Variants in UBXN11 observed in about 807,000 individuals in gnomAD.
UBXN11 encodes UBX domain protein 11.
In UBXN11, 47 loss-of-function variants were observed where a neutral mutation model predicts 62.8. The ratio of observed to expected loss-of-function variants is 0.75; its 90% CI spans 0.59 to 0.95. The LOEUF is 0.95. UBXN11 is among the 40% of genes least tolerant of loss of function. The pLI is 0.00. For synonymous variants in UBXN11, 294 were observed against 267.0 expected, an observed-to-expected ratio of 1.10 and a Z score of -0.99; for missense variants, 638 against 661.7, an observed-to-expected ratio of 0.96 and a Z score of 0.39.
At chr1:26,288,426 G>A (rs2073180617) in intron 8 of UBXN11, among the ~76,000 whole-genome samples, 1 of 152,148 alleles carries the variant, frequency 6.6e-6, no homozygotes, top group Non-Finnish European at 1.5e-5. Context: ...GAGTGGAGAT[G>A]AGACCAGGGG....
intron 7 of UBXN11, among the ~76,000 whole-genome samples, chr1:26,295,874 G>A (rs1039574160): frequency 7.2e-5 from 11 of 152,242 alleles, no homozygotes; most frequent in South Asian, 2.1e-4. Flanking sequence ...AGATGAGGCT[G>A]TTAAATGAAT....
chr1:26,308,705 C>G (rs1052431920), upstream of UBXN11, among the ~76,000 whole-genome samples: 3 of 152,116 alleles, frequency 2.0e-5, no homozygotes, highest in Non-Finnish European at 2.9e-5. Flanking sequence ...GATAAGCAAG[C>G]GTGGGAAGCA....
At position 26,302,894 on chromosome 1, in the gene UBXN11, C is replaced by CT; in HGVS notation, c.-12dup. The CT allele has an allele frequency of 6.2e-7, 1 of 1,613,508 alleles. No individual in the cohort carries two copies. Among genetic ancestry groups the CT allele is most frequent in the Non-Finnish European group, 8.5e-7 (1 of 1,179,638 alleles). ...CAAAGGTGAGCTCATAGTTCTACTTCTAGAATCCAGCTGTCAGGAACTCCC... is the reference window on the plus strand; with the variant it reads ...CAAAGGTGAGCTCATAGTTCTACTTCTTAGAATCCAGCTGTCAGGAACTCCC... On this transcript the variant is annotated 5_prime_UTR_variant, in exon 2 of 15. Transcript: ENST00000374222.
intron 1 of UBXN11, among the ~76,000 whole-genome samples, chr1:26,317,455 C>T (rs1298245375): frequency 6.6e-6 from 1 of 152,184 alleles, no homozygotes; most frequent in Non-Finnish European, 1.5e-5. Flanking sequence ...TCAGAACCTG[C>T]AGCCCATCTA....
intron 1 of UBXN11, among the ~76,000 whole-genome samples, chr1:26,314,651 T>A (rs1333241890): frequency 6.6e-6 from 1 of 152,008 alleles, no homozygotes; most frequent in African/African-American, 2.4e-5. Flanking sequence ...CTTCCGGCAG[T>A]CCCTGACACC....
At chr1:26,287,756 C>T (rs908189545) in intron 8 of UBXN11, among the ~76,000 whole-genome samples, 1 of 152,138 alleles carries the variant, frequency 6.6e-6, no homozygotes, top group African/African-American at 2.4e-5. Context: ...CCTCCGGGGG[C>T]TCCCCACATA....
Position 26,284,471 on chromosome 1 carries a change from C to T in UBXN11, c.864G>A (p.Leu288=), listed in dbSNP as rs1458971149. 2.5e-6 allele frequency: 4 copies of T among 1,598,872 alleles called. No individual in the cohort carries two copies. In the Admixed American group the frequency reaches 6.8e-5, roughly 27 times the overall value. The change falls in exon 11 of 15, where the codon TTG becomes TTA. Residue 288 remains leucine, a synonymous_variant. Transcript: ENST00000374222. ...CATCCTCCAGGTAGACCTGATTGCG[C>T]AAGTCACTCACCTGGCAAGAAAGAA... ...PNGVPFKVSD[L]RNQVYLEDGL...
intron 8 of UBXN11, among the ~76,000 whole-genome samples, chr1:26,288,470 A>G (rs1307752643): frequency 6.6e-6 from 1 of 152,174 alleles, no homozygotes; most frequent in Non-Finnish European, 1.5e-5. Context: ...TGGGCAAACC[A>G]GCACTGAGAG....
At position 26,282,381 on chromosome 1, in the gene UBXN11, C is replaced by G. The variant is rs1557677619; in HGVS notation, c.1481G>C (p.Ser494Thr). The G allele has an allele frequency of 3.5e-6, 2 of 569,024 alleles. No homozygotes were observed. Among genetic ancestry groups the G allele is most frequent in the Non-Finnish European group, 2.3e-6 (1 of 430,150 alleles). 35.2% of individuals were successfully genotyped at this position (569,024 alleles called of 1,614,324 possible). The change falls in exon 15 of 15, where the codon AGT becomes ACT. Residue 494 changes from serine (S) to threonine (T), a missense_variant. Transcript: ENST00000374222. ...ACTGGGGCCGGGACCGGGACCGGGACTGGGGCCGGGACCGGGACCGGGACA... is the reference window on the plus strand; with the variant it reads ...ACTGGGGCCGGGACCGGGACCGGGAGTGGGGCCGGGACCGGGACCGGGACA... ...GPCPGPGPGP[S>T]PGPGPGPSPG...
upstream of UBXN11, among the ~76,000 whole-genome samples, chr1:26,309,553 A>T (rs183323865): frequency 4.5e-3 from 692 of 152,156 alleles, 3 homozygotes; most frequent in Middle Eastern, 0.017. Flanking sequence ...GATTTTTTTT[A>T]AAAAAATAAC....
chr1:26,282,400 C>CGGGACA lies in UBXN11; in HGVS notation c.1456_1461dup (p.Cys486_Pro487dup). Reference sequence around the variant, plus strand: ...CCGGGACTGGGGCCGGGACCGGGACCGGGACAGGGACCAGGACTGAATTTC... The same window carrying CGGGACA: ...CCGGGACTGGGGCCGGGACCGGGACCGGGACAGGGACAGGGACCAGGACTGAATTTC... On this transcript the variant is annotated inframe_insertion, in exon 15 of 15. Coordinates refer to ENST00000374222, the MANE Select transcript of UBXN11 (RefSeq NM_001389556.1). 1 of 1,278,844 alleles carries CGGGACA rather than the reference C, an allele frequency of 7.8e-7. No individual in the cohort carries two copies. The highest frequency in any genetic ancestry group is 1.0e-6 in the Non-Finnish European group (1 of 966,342). 79.2% of individuals were successfully genotyped at this position (1,278,844 alleles called of 1,614,324 possible). A position where few individuals can be genotyped will look rare whatever the true frequency, so the allele number is the denominator to read the frequency against.
rs1191665344 is a variant in UBXN11, at chr1:26,282,465, G to C, written c.1397C>G (p.Ala466Gly). Residue 466 changes from alanine to glycine, a missense_variant, in exon 15 of 15, where the codon GCA becomes GGA. Physicochemically the swap from Ala to Gly is moderately conservative, Grantham distance 60 (BLOSUM62 0). Coordinates refer to ENST00000374222, the MANE Select transcript of UBXN11 (RefSeq NM_001389556.1). ...LQAAGLVPKA[A>G]LLLRARRAPK... ...GGCTCGGCGTGCCCGCAGCAGCAGT[G>C]CTGCTTTGGGCACAAGGCCTGCAGC... 1.9e-6 allele frequency: 3 copies of C among 1,608,474 alleles called. No homozygotes were observed. The highest frequency in any genetic ancestry group is 2.5e-6 in the Non-Finnish European group (3 of 1,178,580).
rs141676885 is a variant in UBXN11 at position 26,316,120 on chromosome 1, G to A, written c.-149+1927C>T. On this transcript the variant is annotated intron_variant, in intron 1 of 14. Coordinates refer to the UBXN11 transcript ENST00000374217. ...ACTATAGGTTTGTGCCACTATGCCC[G>A]GCTAATTTTTTTTTTTTTTTTTTTT... is the stretch of plus-strand genomic sequence containing the variant. 5.5e-5 allele frequency among the ~76,000 whole-genome samples: 8 copies of A among 146,066 alleles called. No individual in the cohort carries two copies. In the South Asian group the frequency reaches 8.7e-4, roughly 16 times the overall value.
intron 1 of UBXN11, 82 bp from the exon 2 acceptor site, chr1:26,303,000 T>A: frequency 1.1e-6 from 1 of 903,240 alleles, no homozygotes; most frequent in Non-Finnish European, 1.7e-6. Flanking sequence ...TCCACTTCCC[T>A]GGCTACTCTT....
chr1:26,298,323 G>A (rs893217190), intron 4 of UBXN11, among the ~76,000 whole-genome samples: 6 of 152,148 alleles, frequency 3.9e-5, no homozygotes, highest in African/African-American at 1.2e-4. Flanking sequence ...ACAAGGAAGT[G>A]GTGTAACATA....
At chr1:26,308,503 G>A (rs2073705988), upstream of UBXN11, among the ~76,000 whole-genome samples, 1 of 152,134 alleles carries the variant, frequency 6.6e-6, no homozygotes, top group Non-Finnish European at 1.5e-5. Context: ...GGAGGAGTCT[G>A]GGCGGAAAGT....
chr1:26,300,306 G>A (rs2073499815), intron 4 of UBXN11, among the ~76,000 whole-genome samples: 1 of 152,198 alleles, frequency 6.6e-6, no homozygotes, highest in African/African-American at 2.4e-5. Context: ...CCACTTCACA[G>A]AGGAGGCCTC....
rs558246132 is a variant in UBXN11 at position 26,284,957 on chromosome 1, G to A, written c.853-475C>T. 591 of 1,000,042 alleles carry A rather than the reference G, an allele frequency of 5.9e-4. 1 individual carries two copies. Among genetic ancestry groups the A allele is most frequent in the African/African-American group, 5.7e-3 (327 of 57,646 alleles). 61.9% of individuals were successfully genotyped at this position (1,000,042 alleles called of 1,614,324 possible). A position where few individuals can be genotyped will look rare whatever the true frequency, so the allele number is the denominator to read the frequency against. ...GCCCTGGTGACACATGCTCCCTCCC[G>A]GACACGCCCTCAGTGCGGCACTAAC... is the stretch of plus-strand genomic sequence containing the variant. On this transcript the variant is annotated intron_variant, in intron 10 of 14. Transcript: ENST00000374222.
In UBXN11 at chr1:26,285,465, T is replaced by C; in HGVS notation, c.851A>G (p.Lys284Arg). The C allele has an allele frequency of 6.2e-7, 1 of 1,611,216 alleles. No homozygotes were observed. The highest frequency in any genetic ancestry group is 8.5e-7 in the Non-Finnish European group (1 of 1,178,484). The change falls in exon 10 of 15, where the codon AAG becomes AGG. Residue 284 changes from lysine (K) to arginine (R), a missense_variant and splice_region_variant. Coordinates refer to ENST00000374222, the MANE Select transcript of UBXN11 (RefSeq NM_001389556.1). Reference sequence around the variant, plus strand: ...GTGGTTTGAGGAGCAGCTTATCACCTTAAAGGGGACCCCATTGGGGTACAG... The same window carrying C: ...GTGGTTTGAGGAGCAGCTTATCACCCTAAAGGGGACCCCATTGGGGTACAG... ...QRLYPNGVPFKVSDLRNQVYL... is the reference protein window; with the variant it reads ...QRLYPNGVPFRVSDLRNQVYL...
Sources: gnomAD v4.1 joint callset for allele counts (sites outside exome capture counted in the v4.1 genomes callset) on GRCh38, gnomAD v4.1.1 for gene constraint, MANE v1.5 for transcripts, NCBI Gene and HGNC (gene_info 2026-07-23, HGNC 2026-07-21) for gene names.